The following PTPN4 variants were observed in gnomAD, a reference collection of about 807,000 sequenced individuals.
The protein encoded by PTPN4 is protein tyrosine phosphatase non-receptor type 4.
Under a neutral mutation model 135.5 loss-of-function variants are expected in PTPN4, and 49 were observed. That is an observed-to-expected ratio of 0.36 (90% CI 0.29 to 0.46). The LOEUF is 0.46. Among genes scored for constraint, PTPN4 ranks in the 20% least tolerant of loss-of-function variants. The probability of loss-of-function intolerance (pLI) is 1.00; values close to 1 mark genes in which losing one functional copy is unlikely to be tolerated. For missense variants in PTPN4, 860 were observed against 1,101.0 expected, an observed-to-expected ratio of 0.78 and a Z score of 3.10; for synonymous variants, 333 against 369.9, an observed-to-expected ratio of 0.90 and a Z score of 1.14.
In PTPN4 at chr2:119,786,044, T is replaced by C. The variant is rs148317162; in HGVS notation, c.-17-23793T>C. Among the ~76,000 whole-genome samples the C allele has an allele frequency of 5.2e-4, 79 of 152,332 alleles. 1 individual carries two copies. The highest frequency in any genetic ancestry group is 1.8e-3 in the African/African-American group (74 of 41,572). On this transcript the variant is annotated intron_variant, in intron 1 of 26. Transcript: ENST00000263708. ...GTTGAACACCTTTCTTTCCTTACTA[T>C]TTAGTGGTTTTAATGCCACTCCAGT...
intron 1 of PTPN4, among the ~76,000 whole-genome samples, chr2:119,764,052 A>T (rs1458846688): frequency 6.6e-6 from 1 of 152,224 alleles, no homozygotes; most frequent in East Asian, 1.9e-4. Context: ...AACATACAGT[A>T]GCATTCAATA....
At chr2:119,861,368 A>G (rs1677757814) in intron 2 of PTPN4, among the ~76,000 whole-genome samples, 1 of 152,148 alleles carries the variant, frequency 6.6e-6, no homozygotes, top group Non-Finnish European at 1.5e-5. Context: ...CAGGGACCAA[A>G]TTTTCAACAC....
At chr2:119,952,217 A>G in intron 19 of PTPN4, 88 bp downstream of exon 19, 3 of 1,271,350 alleles carry the variant, frequency 2.4e-6, no homozygotes, top group Non-Finnish European at 3.2e-6. Context: ...GACATAAAAC[A>G]TAAGTCACCT....
At chr2:119,956,599 G>A (rs1019648992) in intron 20 of PTPN4, among the ~76,000 whole-genome samples, 49 of 152,254 alleles carry the variant, frequency 3.2e-4, no homozygotes, top group African/African-American at 1.1e-3. Flanking sequence ...CCTGCTGTAA[G>A]CAGAATTGGT....
rs576448973 is a variant in PTPN4 at position 119,777,409 on chromosome 2, A to T, written c.-18+17025A>T. Among the ~76,000 whole-genome samples the T allele has an allele frequency of 1.9e-4, 29 of 152,146 alleles. No homozygotes were observed. In the East Asian group the frequency reaches 1.9e-3, roughly 10 times the overall value. On this transcript the variant is annotated intron_variant, in intron 1 of 26. Transcript: ENST00000263708. ...TACCACCTCACATTATACTATATAT[A>T]TTTTTTTCTTTCCTCATTATAATGG...
At chr2:119,780,600 T>G (rs1225648116) in intron 1 of PTPN4, among the ~76,000 whole-genome samples, 2 of 152,252 alleles carry the variant, frequency 1.3e-5, no homozygotes, top group Non-Finnish European at 2.9e-5. Flanking sequence ...TCTCATTGTT[T>G]TAGTTTTATT....
chr2:119,771,740 T>C (rs1048945512), intron 1 of PTPN4: 12 of 152,208 alleles, frequency 7.9e-5, no homozygotes, highest in Non-Finnish European at 1.2e-4. Context: ...GCCCTTGAGT[T>C]TTAGTTTGTC....
intron 2 of PTPN4, among the ~76,000 whole-genome samples, chr2:119,821,789 A>G (rs1677071574): frequency 1.3e-5 from 2 of 152,118 alleles, no homozygotes; most frequent in African/African-American, 4.8e-5. Flanking sequence ...GTTTTTGAAA[A>G]TGTCTTAAGT....
chr2:119,782,179 G>GT (rs1690951619), intron 1 of PTPN4, among the ~76,000 whole-genome samples: 4 of 152,118 alleles, frequency 2.6e-5, no homozygotes, highest in Admixed American at 1.3e-4. Context: ...CACTTTGGGA[G>GT]GCCAAAGCGG....
At chr2:119,912,558 T>C (rs186426944) in intron 10 of PTPN4, among the ~76,000 whole-genome samples, 2 of 152,296 alleles carry the variant, frequency 1.3e-5, no homozygotes, top group African/African-American at 2.4e-5. Flanking sequence ...AAAATAGTTA[T>C]ATGATTACAT....
chr2:119,928,641 T>C (rs761439081), intron 13 of PTPN4, among the ~76,000 whole-genome samples: 1 of 152,164 alleles, frequency 6.6e-6, no homozygotes, highest in Non-Finnish European at 1.5e-5. Context: ...AATTCACTTA[T>C]GGAAAATGAA....
intron 1 of PTPN4, among the ~76,000 whole-genome samples, chr2:119,803,864 C>G (rs1046601502): frequency 6.6e-6 from 1 of 151,376 alleles, no homozygotes; most frequent in African/African-American, 2.4e-5. Context: ...GGTAATGTCT[C>G]GGTGGCTTGA....
intron 2 of PTPN4, among the ~76,000 whole-genome samples, chr2:119,814,888 G>C (rs1676963962): frequency 6.6e-6 from 1 of 152,122 alleles, no homozygotes; most frequent in Admixed American, 6.5e-5. Flanking sequence ...TATATGAAAA[G>C]TCCAATATTA....
intron 3 of PTPN4, among the ~76,000 whole-genome samples, chr2:119,876,897 A>ATGTGTGTGTGTGTGTG (rs3835789): frequency 1.7e-4 from 23 of 136,138 alleles, no homozygotes; most frequent in Non-Finnish European, 2.2e-4. Flanking sequence ...GCCCAAGAGC[A>ATGTGTGTGTGTGTGTG]TGTGTGTGTG....
At chr2:119,862,672 C>A (rs774288899) in intron 3 of PTPN4, 29 bp downstream of exon 3, 1 of 1,553,302 alleles carries the variant, frequency 6.4e-7, no homozygotes, top group Non-Finnish European at 8.8e-7. Context: ...CTTTCATTTT[C>A]ATTTAGTTTT....
intron 8 of PTPN4, among the ~76,000 whole-genome samples, chr2:119,884,178 G>A (rs868006805): frequency 2.0e-5 from 3 of 152,222 alleles, no homozygotes; most frequent in African/African-American, 2.4e-5. Context: ...GATTACAGGC[G>A]TGAGCCACCA....
At chr2:119,855,090 G>A (rs1677656878) in intron 2 of PTPN4, among the ~76,000 whole-genome samples, 1 of 152,110 alleles carries the variant, frequency 6.6e-6, no homozygotes, top group Admixed American at 6.5e-5. Flanking sequence ...TTCAAGGAGA[G>A]GGGTGCCCAT....
chr2:119,771,900 C>G (rs1448046753), intron 1 of PTPN4, among the ~76,000 whole-genome samples: 1 of 152,154 alleles, frequency 6.6e-6, no homozygotes, highest in Non-Finnish European at 1.5e-5. Flanking sequence ...TTATAATCTC[C>G]TTTACACTGT....
chr2:119,917,754 A>G (rs2105027120), intron 11 of PTPN4, among the ~76,000 whole-genome samples: 2 of 152,168 alleles, frequency 1.3e-5, no homozygotes, highest in Admixed American at 1.3e-4. Flanking sequence ...AAAAAGGAAA[A>G]AAAAGACAGT....
Sources: allele counts gnomAD v4.1 joint callset (sites outside exome capture counted in the v4.1 genomes callset), GRCh38; gene constraint gnomAD v4.1.1; transcripts MANE v1.5; gene names NCBI Gene and HGNC (gene_info 2026-07-23, HGNC 2026-07-21).